Variants in SLC35E2B observed in about 807,000 individuals in gnomAD.
The protein encoded by SLC35E2B is solute carrier family 35, member E2B.
In SLC35E2B, 18 loss-of-function variants were observed where a neutral mutation model predicts 32.4. The ratio of observed to expected loss-of-function variants is 0.56; its 90% CI spans 0.38 to 0.82. The LOEUF is 0.82. Among genes scored for constraint, SLC35E2B ranks in the 40% least tolerant of loss-of-function variants. The pLI, the probability that SLC35E2B is intolerant of heterozygous loss-of-function variation, is 0.00. For synonymous variants in SLC35E2B, 132 were observed against 209.1 expected (o/e 0.63, Z 3.18); for missense variants, 263 against 469.5 (o/e 0.56, Z 4.06).
intron 2 of SLC35E2B, among the ~76,000 whole-genome samples, chr1:1,688,786 G>T (rs61776797): frequency 6.6e-6 from 1 of 150,776 alleles, no homozygotes; most frequent in African/African-American, 2.4e-5. Context: ...GGCGCAGGGA[G>T]GGGGCGGCAG....
Position 1,684,483 on chromosome 1 carries a change from C to T in SLC35E2B, c.-148+6493G>A, listed in dbSNP as rs142137553. On this transcript the variant is annotated intron_variant, in intron 2 of 9. Coordinates refer to ENST00000617444, the MANE Select transcript of SLC35E2B (RefSeq NM_001290264.2). ...GAAATTAAGAATAGGAGGCCGGGCG[C>T]GGGGGCTCACGCCTGTCATCCCAGG... Among the ~76,000 whole-genome samples, 928 of 152,152 alleles carry T rather than the reference C, an allele frequency of 6.1e-3. 10 individuals are homozygous for T. Among genetic ancestry groups the T allele is most frequent in the African/African-American group, 0.021 (890 of 41,500 alleles).
At position 1,665,713 on chromosome 1, in the gene SLC35E2B, AG is replaced by A. The variant is rs1433982628; in HGVS notation, c.*68del. Reference sequence around the variant, plus strand: ...CTGCACCCCAGCAGGGCCATGGAGGAGGGCGTCCCTGCCCATTTCTGGGGGA... The same window carrying A: ...CTGCACCCCAGCAGGGCCATGGAGGAGGCGTCCCTGCCCATTTCTGGGGGA... On this transcript the variant is annotated 3_prime_UTR_variant, in exon 10 of 10. Transcript: ENST00000617444. The A allele has an allele frequency of 6.6e-7, 1 of 1,522,978 alleles. No homozygotes were observed. Among genetic ancestry groups the A allele is most frequent in the Non-Finnish European group, 8.9e-7 (1 of 1,129,814 alleles). 94.3% of individuals were successfully genotyped at this position (1,522,978 alleles called of 1,614,324 possible).
chr1:1,671,938 G>A (rs556655926), intron 5 of SLC35E2B: 18 of 231,518 alleles, frequency 7.8e-5, no homozygotes, highest in African/African-American at 1.1e-4. Context: ...CCTGTGAAAC[G>A]GTGAGTGTGA....
chr1:1,665,305 C>T lies in SLC35E2B; in HGVS notation c.*477G>A, dbSNP rs1476379902. The stretch of plus-strand genomic sequence containing the variant: ...ACCCTTCCTTCCAGGGCCCTCTGTC[C>T]CCTCCCTTCGGCCCTGCTCTGTGGC... On this transcript the variant is annotated 3_prime_UTR_variant, in exon 10 of 10. Transcript: ENST00000617444. 7 of 334,352 alleles carry T rather than the reference C, an allele frequency of 2.1e-5. No homozygotes were observed. Among genetic ancestry groups the T allele is most frequent in the Non-Finnish European group, 3.8e-5 (7 of 185,030 alleles). 20.7% of individuals were successfully genotyped at this position (334,352 alleles called of 1,614,324 possible).
chr1:1,681,369 G>T (rs1192568559), intron 2 of SLC35E2B, among the ~76,000 whole-genome samples: 7 of 146,116 alleles, frequency 4.8e-5, no homozygotes, highest in Non-Finnish European at 7.6e-5. Context: ...GGCTAATTTT[G>T]TTTTTTTTTG....
intron 5 of SLC35E2B, among the ~76,000 whole-genome samples, chr1:1,674,893 C>T (rs929012524): frequency 6.6e-6 from 1 of 152,186 alleles, no homozygotes; most frequent in African/African-American, 2.4e-5. Flanking sequence ...CTGCTCCTCG[C>T]TGGTTTTCAT....
At chr1:1,681,748 G>A (rs1336708840) in intron 2 of SLC35E2B, among the ~76,000 whole-genome samples, 3 of 150,450 alleles carry the variant, frequency 2.0e-5, no homozygotes. Flanking sequence ...CACTTTGGGA[G>A]GCTGAGGCAG....
chr1:1,668,269 T>C lies in SLC35E2B; in HGVS notation c.980+58A>G, dbSNP rs1643593083. ...TCCCTTATAAAAATACCTAGATTTCTGGTCTCCTTTGTAAACAACCTGGAC... is the reference window on the plus strand; with the variant it reads ...TCCCTTATAAAAATACCTAGATTTCCGGTCTCCTTTGTAAACAACCTGGAC... On this transcript the variant is annotated intron_variant, in intron 9 of 9. Coordinates refer to ENST00000617444, the MANE Select transcript of SLC35E2B (RefSeq NM_001290264.2). 3 of 1,523,150 alleles carry C rather than the reference T, an allele frequency of 2.0e-6. No individual in the cohort carries two copies. In the Admixed American group the frequency reaches 5.8e-5, roughly 30 times the overall value. The allele number at this position is 1,523,150 out of a possible 1,614,324, so 94.4% of individuals were successfully genotyped here. A position where few individuals can be genotyped will look rare whatever the true frequency, so the allele number is the denominator to read the frequency against.
chr1:1,666,150 C>T, intron 9 of SLC35E2B, 131 bp from the exon 10 acceptor site: 1 of 1,118,562 alleles, frequency 8.9e-7, no homozygotes, highest in East Asian at 2.6e-5. Flanking sequence ...GTGACATCAG[C>T]CCTGCGGCCA....
chr1:1,674,656 A>AT (rs2101102574), intron 5 of SLC35E2B, among the ~76,000 whole-genome samples: 1 of 151,458 alleles, frequency 6.6e-6, no homozygotes, highest in East Asian at 1.9e-4. Context: ...ACAAAAAAAA[A>AT]CCAGAGTTGA....
At chr1:1,683,132 C>G (rs561609599) in intron 2 of SLC35E2B, among the ~76,000 whole-genome samples, 8 of 152,202 alleles carry the variant, frequency 5.3e-5, no homozygotes, top group African/African-American at 1.9e-4. Flanking sequence ...GAGGAATGCA[C>G]AGTTTCTCTG....
At chr1:1,668,622 G>C in intron 8 of SLC35E2B, 150 bp from the exon 9 acceptor site, 1 of 1,261,678 alleles carries the variant, frequency 7.9e-7, no homozygotes, top group Non-Finnish European at 1.1e-6. Context: ...CGGACAGCTG[G>C]ACTGTGCACT....
At chr1:1,689,761 C>T (rs561169879) in intron 2 of SLC35E2B, among the ~76,000 whole-genome samples, 17 of 150,566 alleles carry the variant, frequency 1.1e-4, no homozygotes, top group African/African-American at 3.4e-4. Flanking sequence ...CCAAGGTGGG[C>T]GGATCACTTG....
chr1:1,682,088 G>A (rs1042930399), intron 2 of SLC35E2B, among the ~76,000 whole-genome samples: 1 of 139,360 alleles, frequency 7.2e-6, no homozygotes, highest in African/African-American at 2.6e-5. Flanking sequence ...TCAATCTCCT[G>A]ACCTCATGTG....
At chr1:1,666,791 C>T (rs553360922) in intron 9 of SLC35E2B, among the ~76,000 whole-genome samples, 60 of 149,056 alleles carry the variant, frequency 4.0e-4, no homozygotes, top group Admixed American at 6.6e-4. Context: ...AGGCCGGGCA[C>T]GGGGGCTCAG....
Position 1,661,535 on chromosome 1 carries a change from C to T in SLC35E2B, c.*4247G>A, listed in dbSNP as rs565290060. ...CAAGAATCATAGACAGCTACTACCA[C>T]GGCTGCTTCGTTTGGACAAAAATAA... On this transcript the variant is annotated 3_prime_UTR_variant, in exon 10 of 10. Transcript: ENST00000617444. 4.8e-5 allele frequency: 37 copies of T among 777,658 alleles called. 1 individual carries two copies. Among genetic ancestry groups the T allele is most frequent in the Non-Finnish European group, 5.3e-5 (34 of 636,490 alleles). The allele number at this position is 777,658 out of a possible 1,614,324, so 48.2% of individuals were successfully genotyped here.
At chr1:1,679,374 G>A (rs1321706947) in intron 2 of SLC35E2B, among the ~76,000 whole-genome samples, 1 of 152,072 alleles carries the variant, frequency 6.6e-6, no homozygotes, top group Non-Finnish European at 1.5e-5. Flanking sequence ...CCCGCAATGA[G>A]GACCCCCATT....
At chr1:1,677,991 G>A (rs930185624) in intron 2 of SLC35E2B, among the ~76,000 whole-genome samples, 4 of 151,212 alleles carry the variant, frequency 2.6e-5, no homozygotes, top group African/African-American at 7.3e-5. Flanking sequence ...CAATCCCAGC[G>A]CTCAGGCAGC....
intron 8 of SLC35E2B, among the ~76,000 whole-genome samples, chr1:1,668,736 G>A (rs1643608155): frequency 6.6e-6 from 1 of 152,144 alleles, no homozygotes; most frequent in Non-Finnish European, 1.5e-5. Context: ...GAAAGAGGCT[G>A]AACGTCACCA....
Sources: allele counts gnomAD v4.1 joint callset (sites outside exome capture counted in the v4.1 genomes callset), GRCh38; gene constraint gnomAD v4.1.1; transcripts MANE v1.5; gene names NCBI Gene and HGNC (gene_info 2026-07-23, HGNC 2026-07-21).